ZNF221: variants seen among roughly 807,000 people sequenced by gnomAD.
ZNF221 encodes the protein zinc finger protein 221.
A neutral mutation model predicts 12.6 loss-of-function variants in ZNF221; 10 were observed. The ratio of observed to expected loss-of-function variants is 0.79; its 90% CI spans 0.49 to 1.34. The LOEUF (loss-of-function observed/expected upper bound fraction) is 1.34, where lower values mean the gene tolerates loss of function less well. Ranked by LOEUF, ZNF221 falls within the 40% of genes most tolerant of loss-of-function variation. The pLI, the probability that ZNF221 is intolerant of heterozygous loss-of-function variation, is 0.00. For missense variants in ZNF221, 661 were observed against 721.4 expected, an observed-to-expected ratio of 0.92 and a Z score of 0.96; for synonymous variants, 232 against 244.0, an observed-to-expected ratio of 0.95 and a Z score of 0.46.
downstream of ZNF221, among the ~76,000 whole-genome samples, chr19:43,969,456 C>A (rs1235510192): frequency 6.7e-6 from 1 of 148,196 alleles, no homozygotes; most frequent in African/African-American, 2.5e-5. Context: ...TCAAGCAATT[C>A]TCCTGCCTCA....
chr19:43,956,567 G>T (rs199868092), intron 1 of ZNF221, among the ~76,000 whole-genome samples: 2 of 8,620 alleles, frequency 2.3e-4, no homozygotes, highest in Non-Finnish European at 9.9e-3. Flanking sequence ...AAGGACCCTG[G>T]CTCTTGTCAA....
intron 1 of ZNF221, among the ~76,000 whole-genome samples, chr19:43,953,746 G>A (rs984118207): frequency 2.6e-5 from 4 of 152,036 alleles, no homozygotes; most frequent in African/African-American, 7.2e-5. Context: ...GGTTATCACC[G>A]TACATACCCA....
rs1386702833 is a variant in ZNF221 at position 43,966,953 on chromosome 19, G to A, written c.1451G>A (p.Gly484Asp). The A allele has an allele frequency of 1.2e-6, 2 of 1,614,206 alleles. No individual in the cohort carries two copies. The highest frequency in any genetic ancestry group is 8.5e-7 in the Non-Finnish European group (1 of 1,180,036). ...GERPYNCKEC[G>D]KSFGWASCLL... ...AGACCCTATAATTGTAAGGAATGTG[G>A]CAAGAGCTTTGGCTGGGCCTCCTGT... is the stretch of plus-strand genomic sequence containing the variant. Residue 484 changes from glycine (G) to aspartate (D), a missense_variant, in exon 5 of 5, where the codon GGC becomes GAC. Coordinates refer to ENST00000587682, the MANE Select transcript of ZNF221 (RefSeq NM_001297588.2).
Position 43,967,592 on chromosome 19 carries a change from C to T in ZNF221, c.*236C>T, listed in dbSNP as rs1193967261. On this transcript the variant is annotated 3_prime_UTR_variant, in exon 5 of 5. Transcript: ENST00000587682. ...CTCCCAGGTTCACGCCATTCTCCTG[C>T]CTCAGCCTCCCGAGTAGCTGGGACT... 2.3e-6 allele frequency: 1 copy of T among 426,248 alleles called. No individual in the cohort carries two copies. The highest frequency in any genetic ancestry group is 3.8e-5 in the Admixed American group (1 of 26,218). 26.4% of individuals were successfully genotyped at this position (426,248 alleles called of 1,614,324 possible).
the ZNF221 span, among the ~76,000 whole-genome samples, chr19:43,978,941 T>TGG: frequency 8.5e-6 from 1 of 117,796 alleles, no homozygotes; most frequent in South Asian, 2.7e-4. Flanking sequence ...GTGTTTTTTT[T>TGG]TTTTTTTTTT....
chr19:43,964,276 CA>C (rs1246411908), intron 2 of ZNF221, among the ~76,000 whole-genome samples: 5 of 151,942 alleles, frequency 3.3e-5, no homozygotes, highest in African/African-American at 1.2e-4. Flanking sequence ...AAAACGATAC[CA>C]GGTGAAAATC....
intron 1 of ZNF221, among the ~76,000 whole-genome samples, chr19:43,958,975 T>A (rs1974801360): frequency 2.0e-5 from 2 of 100,614 alleles, no homozygotes; most frequent in South Asian, 8.4e-4. Flanking sequence ...GATAAGACTA[T>A]TGGGTTTTTG....
At chr19:43,979,502 T>C in the ZNF221 span, among the ~76,000 whole-genome samples, 3 of 151,986 alleles carry the variant, frequency 2.0e-5, no homozygotes, top group Non-Finnish European at 2.9e-5. Flanking sequence ...AGGGATATTA[T>C]GTGAGATAAT....
At chr19:43,958,442 T>C (rs1599814324) in intron 1 of ZNF221, among the ~76,000 whole-genome samples, 1 of 151,984 alleles carries the variant, frequency 6.6e-6, no homozygotes, top group African/African-American at 2.4e-5. Context: ...ATTTATAGGG[T>C]GAGTTGAGCA....
At chr19:43,967,745 T>G (rs947923484), downstream of ZNF221, 33 of 183,210 alleles carry the variant, frequency 1.8e-4, no homozygotes, top group Admixed American at 1.6e-4. Flanking sequence ...CCCAAAGTGC[T>G]GGGATTACAG....
In ZNF221 at chr19:43,967,062, A is replaced by G. The variant is rs1011978855; in HGVS notation, c.1560A>G (p.Gln520=). The change falls in exon 5 of 5, where the codon CAA becomes CAG. Residue 520 remains glutamine (Q), a synonymous_variant. Transcript: ENST00000587682. ...ECGKRFTQSS[Q]LHSHQTCHTG... ...GAAAGAGATTTACTCAGAGTTCACA[A>G]CTTCATTCCCATCAGACATGCCATA... 13 of 1,597,880 alleles carry G rather than the reference A, an allele frequency of 8.1e-6. No individual in the cohort carries two copies. The highest frequency in any genetic ancestry group is 1.1e-5 in the Non-Finnish European group (13 of 1,169,690).
chr19:43,978,240 C>T, the ZNF221 span: 1 of 152,100 alleles, frequency 6.6e-6, no homozygotes, highest in Non-Finnish European at 1.5e-5. Context: ...CCACTCCTAC[C>T]CATTATGGAA....
At chr19:43,964,149 A>G (rs1974896876) in intron 2 of ZNF221, among the ~76,000 whole-genome samples, 1 of 152,206 alleles carries the variant, frequency 6.6e-6, no homozygotes, top group Non-Finnish European at 1.5e-5. Flanking sequence ...ATGAAATGAG[A>G]TGAAATAAAT....
intron 3 of ZNF221, 66 bp from the exon 4 acceptor site, chr19:43,965,167 C>T (rs1474233433): frequency 5.0e-6 from 8 of 1,593,242 alleles, no homozygotes; most frequent in Non-Finnish European, 4.3e-6. Flanking sequence ...CCTAAATTTC[C>T]AGTAAATTTT....
chr19:43,965,318 G>T lies in ZNF221; in HGVS notation c.294G>T (p.Gly98=). 1 of 1,612,668 alleles carries T rather than the reference G, an allele frequency of 6.2e-7. No individual in the cohort carries two copies. Among genetic ancestry groups the T allele is most frequent in the Non-Finnish European group, 8.5e-7 (1 of 1,179,278 alleles). Residue 98 remains glycine, a synonymous_variant, in exon 4 of 5, where the codon GGG becomes GGT. Transcript: ENST00000587682. ...TGAAGACAACAAGCCAAAGAGAAGGGAATTCAGGTAAGAACCAAGTAACTG... is the reference window on the plus strand; with the variant it reads ...TGAAGACAACAAGCCAAAGAGAAGGTAATTCAGGTAAGAACCAAGTAACTG... ...WKMKTTSQRE[G]NSGGKIQIEM...
rs1974987061 is a variant in ZNF221 at position 43,967,139 on chromosome 19, A to T, written c.1637A>T (p.Lys546Ile). ...CEQCEKGYNS[K>I]FNLDMHQRVH... ...CAGTGTGAGAAGGGGTACAACAGTA[A>T]ATTTAATCTTGACATGCACCAGAGG... is the stretch of plus-strand genomic sequence containing the variant. The change falls in exon 5 of 5, where the codon AAA (lysine) becomes ATA (isoleucine). Residue 546 changes from lysine to isoleucine, a missense_variant. Transcript: ENST00000587682. 2.5e-6 allele frequency: 4 copies of T among 1,591,660 alleles called. No individual in the cohort carries two copies. Among genetic ancestry groups the T allele is most frequent in the African/African-American group, 1.4e-5 (1 of 74,028 alleles).
At chr19:43,955,318 C>G (rs1974738072) in intron 1 of ZNF221, among the ~76,000 whole-genome samples, 1 of 152,122 alleles carries the variant, frequency 6.6e-6, no homozygotes, top group Non-Finnish European at 1.5e-5. Flanking sequence ...ACAAACAGAA[C>G]AGTTTTCATC....
chr19:43,954,293 G>A (rs887597094), intron 1 of ZNF221, among the ~76,000 whole-genome samples: 4 of 152,132 alleles, frequency 2.6e-5, no homozygotes, highest in African/African-American at 7.2e-5. Flanking sequence ...ATTGAGCTAA[G>A]AGACAGTGTC....
the ZNF221 span, chr19:43,978,525 A>G: frequency 2.0e-5 from 3 of 152,200 alleles, no homozygotes; most frequent in Non-Finnish European, 4.4e-5. Context: ...TAGGCCTTCC[A>G]TCTACCCTCG....
Sources: allele counts gnomAD v4.1 joint callset (sites outside exome capture counted in the v4.1 genomes callset), GRCh38; gene constraint gnomAD v4.1.1; transcripts MANE v1.5; gene names NCBI Gene and HGNC (gene_info 2026-07-23, HGNC 2026-07-21).